The following TTC3 variants were observed in gnomAD, a reference collection of about 807,000 sequenced individuals.
TTC3 encodes tetratricopeptide repeat domain 3, also known as E3 ubiquitin-protein ligase TTC3.
Under a neutral mutation model 249.6 loss-of-function variants are expected in TTC3, and 180 were observed. The ratio of observed to expected loss-of-function variants is 0.72; its 90% CI spans 0.64 to 0.82. The LOEUF (loss-of-function observed/expected upper bound fraction) is 0.82. TTC3 is among the 40% of genes least tolerant of loss of function. The pLI is 0.00. For synonymous variants in TTC3, 717 were observed against 805.0 expected, an observed-to-expected ratio of 0.89 and a Z score of 1.85; for missense variants, 2,061 against 2,398.4, an observed-to-expected ratio of 0.86 and a Z score of 2.94.
At chr21:37,187,143 G>A (rs768681756) in exon 38 of TTC3, 4 of 1,579,164 alleles carry the variant, frequency 2.5e-6, no homozygotes, top group Non-Finnish European at 2.6e-6. Context: ...TGTGGCTGCA[G>A]AGGTGAGTCC....
At chr21:37,191,270 A>T in intron 39 of TTC3, 64 bp from the exon 40 acceptor site, 1 of 1,126,214 alleles carries the variant, frequency 8.9e-7, no homozygotes, top group Non-Finnish European at 1.3e-6. Flanking sequence ...TTAGATGTTT[A>T]TTTGACCGTA....
At chr21:37,093,732 T>C (rs906176587) in intron 7 of TTC3, among the ~76,000 whole-genome samples, 1 of 152,018 alleles carries the variant, frequency 6.6e-6, no homozygotes, top group Non-Finnish European at 1.5e-5. Context: ...AATATAATAA[T>C]AAATAAAGGT....
chr21:37,120,573 T>A (rs1180879738), intron 11 of TTC3, among the ~76,000 whole-genome samples: 3 of 152,176 alleles, frequency 2.0e-5, no homozygotes, highest in Non-Finnish European at 2.9e-5. Context: ...AGAGATGCCT[T>A]TGTCTTCTTA....
At chr21:37,106,005 C>T (rs2075042170) in intron 10 of TTC3, among the ~76,000 whole-genome samples, 3 of 152,060 alleles carry the variant, frequency 2.0e-5, no homozygotes, top group African/African-American at 7.2e-5. Context: ...ATTTAGCTTT[C>T]CTGTGTGATT....
chr21:37,074,405 AG>A (rs757738688), intron 1 of TTC3, among the ~76,000 whole-genome samples: 1 of 152,348 alleles, frequency 6.6e-6, no homozygotes, highest in East Asian at 1.9e-4. Context: ...TGCCTTTTCC[AG>A]TGGCGCCCTG....
exon 27 of TTC3, chr21:37,153,034 T>C: frequency 6.2e-7 from 1 of 1,613,994 alleles, no homozygotes. Flanking sequence ...CAAGATTAAA[T>C]CCGGCATACA....
At chr21:37,132,335 C>CT (rs35828883) in intron 16 of TTC3, among the ~76,000 whole-genome samples, 30 of 144,162 alleles carry the variant, frequency 2.1e-4, no homozygotes, top group East Asian at 4.1e-4. Flanking sequence ...TATTTTTTTT[C>CT]TTTTTTTTTT....
chr21:37,100,948 C>T (rs529160447), intron 10 of TTC3: 17 of 152,362 alleles, frequency 1.1e-4, no homozygotes, highest in African/African-American at 3.1e-4. Flanking sequence ...TCTGTACCTT[C>T]TGCAGTTCCA....
At chr21:37,199,275 A>T (rs2148250178) in intron 44 of TTC3, among the ~76,000 whole-genome samples, 1 of 152,344 alleles carries the variant, frequency 6.6e-6, no homozygotes, top group East Asian at 1.9e-4. Flanking sequence ...TTAGAGCATG[A>T]GTTTGAGCTA....
At chr21:37,201,880 T>G in exon 46 of TTC3, 1 of 309,404 alleles carries the variant, frequency 3.2e-6, no homozygotes, top group Non-Finnish European at 6.0e-6. Flanking sequence ...GAAGCAGTAT[T>G]CTAGTGATAA....
intron 34 of TTC3, among the ~76,000 whole-genome samples, chr21:37,169,392 A>C (rs1430007826): frequency 2.0e-5 from 3 of 152,172 alleles, no homozygotes; most frequent in Non-Finnish European, 4.4e-5. Context: ...CTAAAAATAC[A>C]AAAATTAGCC....
intron 17 of TTC3, among the ~76,000 whole-genome samples, chr21:37,134,175 G>T (rs1445797593): frequency 6.6e-6 from 1 of 152,054 alleles, no homozygotes; most frequent in African/African-American, 2.4e-5. Context: ...GCAGAGGCCG[G>T]GTGCAGGGTC....
At chr21:37,172,822 C>T in intron 35 of TTC3, 78 bp downstream of exon 35, 2 of 1,515,650 alleles carry the variant, frequency 1.3e-6, no homozygotes, top group South Asian at 2.5e-5. Flanking sequence ...CTTGTGCGGC[C>T]TCAGCTGAAC....
At chr21:37,091,473 G>A (rs2073252850) in intron 7 of TTC3, 60 bp downstream of exon 7, 1 of 1,473,566 alleles carries the variant, frequency 6.8e-7, no homozygotes, top group East Asian at 2.5e-5. Flanking sequence ...TTGGGAAAAT[G>A]AGATATGTAG....
chr21:37,190,210 C>T lies in TTC3; in HGVS notation c.5025-1124C>T, dbSNP rs182676458. On this transcript the variant is annotated intron_variant, in intron 39 of 45. Coordinates refer to ENST00000355666, the Ensembl canonical transcript of TTC3. ...AGGCTGGAGTGCAGTGGCGTGATCT[C>T]GGCTCACTGCAACCTCCGCCTCCTG... 6.3e-3 allele frequency among the ~76,000 whole-genome samples: 821 copies of T among 129,930 alleles called. 4 individuals are homozygous for T. The highest frequency in any genetic ancestry group is 9.8e-3 in the Non-Finnish European group (629 of 64,156). The allele number at this position is 129,930 out of a possible 152,430, so 85.2% of individuals were successfully genotyped here.
At chr21:37,195,313 G>T (rs1160064561) in intron 41 of TTC3, among the ~76,000 whole-genome samples, 2 of 152,156 alleles carry the variant, frequency 1.3e-5, no homozygotes, top group Admixed American at 1.3e-4. Flanking sequence ...TCTGGGGAGT[G>T]TGGTGGCCAT....
exon 40 of TTC3, chr21:37,191,397 T>C (rs1385263709): frequency 1.3e-6 from 2 of 1,585,426 alleles, no homozygotes; most frequent in Non-Finnish European, 1.7e-6. Context: ...TTCTTTCTAA[T>C]GTTACAAAAG....
intron 16 of TTC3, among the ~76,000 whole-genome samples, chr21:37,129,467 T>A: frequency 6.6e-6 from 1 of 152,184 alleles, no homozygotes; most frequent in Non-Finnish European, 1.5e-5. Flanking sequence ...TCATGACTAT[T>A]GGGAAACTTA....
intron 28 of TTC3, 77 bp from the exon 29 acceptor site, chr21:37,159,622 T>C: frequency 6.8e-7 from 1 of 1,469,988 alleles, no homozygotes; most frequent in Non-Finnish European, 9.4e-7. Flanking sequence ...TATGAGGAGT[T>C]ATTTTAAGGC....
Sources: allele counts gnomAD v4.1 joint callset (sites outside exome capture counted in the v4.1 genomes callset), GRCh38; gene constraint gnomAD v4.1.1; transcripts MANE v1.5; gene names NCBI Gene and HGNC (gene_info 2026-07-23, HGNC 2026-07-21).